The following GPHN variants were observed in gnomAD, a reference collection of about 807,000 sequenced individuals.
The protein encoded by GPHN is gephyrin.
GPHN carries 17 observed loss-of-function variants against 95.5 expected under a neutral mutation model. The observed-to-expected ratio is 0.18, with a 90% CI of 0.12 to 0.27. GPHN has a LOEUF of 0.27. GPHN is among the 10% of genes least tolerant of loss of function. The pLI, the probability that GPHN is intolerant of heterozygous loss-of-function variation, is 1.00. For missense variants in GPHN, 660 were observed against 978.1 expected (o/e 0.67, Z 4.34); for synonymous variants, 320 against 322.5 (o/e 0.99, Z 0.08).
chr14:67,418,985 C>A, the GPHN span, among the ~76,000 whole-genome samples: 1 of 152,204 alleles, frequency 6.6e-6, no homozygotes, highest in Non-Finnish European at 1.5e-5. Flanking sequence ...CACCTTGCCA[C>A]CCCCTAGAAC....
intron 4 of GPHN, among the ~76,000 whole-genome samples, chr14:66,852,266 G>T (rs938138094): frequency 6.6e-6 from 1 of 152,128 alleles, no homozygotes; most frequent in African/African-American, 2.4e-5. Context: ...CTGGCCACTT[G>T]TTTGTTTTCA....
intron 2 of GPHN, among the ~76,000 whole-genome samples, chr14:66,750,508 T>C (rs2058327103): frequency 1.3e-5 from 2 of 151,914 alleles, no homozygotes; most frequent in Admixed American, 6.6e-5. Context: ...GGAAAATACA[T>C]AAATACATTA....
chr14:66,936,588 T>C (rs1234434738), intron 8 of GPHN, among the ~76,000 whole-genome samples: 1 of 152,216 alleles, frequency 6.6e-6, no homozygotes, highest in African/African-American at 2.4e-5. Flanking sequence ...TGAAATACTT[T>C]GGAGAATACA....
At chr14:66,673,293 C>T (rs1174416248) in intron 1 of GPHN, among the ~76,000 whole-genome samples, 4 of 151,966 alleles carry the variant, frequency 2.6e-5, no homozygotes, top group East Asian at 3.9e-4. Context: ...GGGGTTTCAC[C>T]GTGTTAACCA....
At chr14:67,727,493 T>G in the GPHN span, 538 of 356,904 alleles carry the variant, frequency 1.5e-3, 2 homozygotes, top group Non-Finnish European at 2.3e-3. Flanking sequence ...TTGTTTTTTT[T>G]TTTTTGAGAC....
At chr14:66,900,850 G>A (rs2065093072) in intron 5 of GPHN, among the ~76,000 whole-genome samples, 1 of 151,982 alleles carries the variant, frequency 6.6e-6, no homozygotes, top group Non-Finnish European at 1.5e-5. Context: ...CAGTAAATGT[G>A]AGAGTGCAGA....
rs1468700254 is a variant in GPHN at position 67,066,662 on chromosome 14, C to T, written c.1144+7876C>T. 2.0e-5 allele frequency among the ~76,000 whole-genome samples: 3 copies of T among 152,108 alleles called. No homozygotes were observed. In the South Asian group the frequency reaches 6.2e-4, roughly 32 times the overall value. On this transcript the variant is annotated intron_variant, in intron 11 of 22. Coordinates refer to ENST00000478722, the MANE Select transcript of GPHN (RefSeq NM_020806.5). ...TTTTTTTTCTAAACTTGCCTTCTCA[C>T]TTTATTTCATTAATTTGATCTTCAA...
Position 66,976,049 on chromosome 14 carries a change from A to G in GPHN, c.963+10724A>G, listed in dbSNP as rs181436215. Among the ~76,000 whole-genome samples the G allele has an allele frequency of 4.3e-4, 66 of 152,308 alleles. No individual in the cohort carries two copies. In the East Asian group the frequency reaches 9.5e-3, roughly 22 times the overall value. On this transcript the variant is annotated intron_variant, in intron 9 of 22. Coordinates refer to ENST00000478722, the MANE Select transcript of GPHN (RefSeq NM_020806.5). ...TAAGCCCTTCTCTCTCTGATATTTT[A>G]TTAATCTCCAATTAATACAGAATAA... is the stretch of plus-strand genomic sequence containing the variant.
chr14:67,162,369 A>T (rs1379006244), intron 19 of GPHN, among the ~76,000 whole-genome samples: 1 of 152,222 alleles, frequency 6.6e-6, no homozygotes, highest in Non-Finnish European at 1.5e-5. Context: ...CCAGAATTTT[A>T]TGCTTGTCTA....
At chr14:67,282,235 A>G in the GPHN span, among the ~76,000 whole-genome samples, 6 of 152,104 alleles carry the variant, frequency 3.9e-5, no homozygotes, top group Non-Finnish European at 5.9e-5. Flanking sequence ...CTAACACATC[A>G]AACTGTAAGA....
chr14:66,788,147 A>G (rs1434207860), intron 3 of GPHN, among the ~76,000 whole-genome samples: 1 of 151,562 alleles, frequency 6.6e-6, no homozygotes, highest in Non-Finnish European at 1.5e-5. Flanking sequence ...TTTCTCTACT[A>G]AAAATACAAA....
chr14:67,589,650 GT>G, the GPHN span: 1 of 989,448 alleles, frequency 1.0e-6, no homozygotes, highest in South Asian at 4.6e-5. Flanking sequence ...CTGCTAACCA[GT>G]ACTGAAGGGC....
At chr14:66,853,334 TA>T (rs1376093247) in intron 4 of GPHN, among the ~76,000 whole-genome samples, 3 of 151,954 alleles carry the variant, frequency 2.0e-5, no homozygotes, top group Non-Finnish European at 2.9e-5. Flanking sequence ...ATTTATTACT[TA>T]AAAAAAATAA....
intron 6 of GPHN, 26 bp from the exon 7 acceptor site, chr14:66,922,639 AT>A (rs765769429): frequency 8.1e-5 from 126 of 1,561,714 alleles, no homozygotes; most frequent in Middle Eastern, 1.7e-4. Context: ...CTTCATCTTA[AT>A]TTTTTTTTCT....
At position 66,508,570 on chromosome 14, in the gene GPHN, A is replaced by T. The variant is rs377675338; in HGVS notation, c.43A>T (p.Ile15Phe). ...GATCCTTACTAACCACGACCATCAA[A>T]TCCGTGTCGGAGTCCTTACAGGTAA... Reference protein sequence around the residue: ...GMILTNHDHQIRVGVLTVSDS... With the variant: ...GMILTNHDHQFRVGVLTVSDS... Residue 15 changes from isoleucine (I) to phenylalanine (F), a missense_variant, in exon 1 of 23, where the codon ATC becomes TTC. Ile to Phe is a conservative substitution (Grantham distance 21). Transcript: ENST00000478722. 1.9e-6 allele frequency: 3 copies of T among 1,613,694 alleles called. No individual in the cohort carries two copies. The highest frequency in any genetic ancestry group is 8.5e-7 in the Non-Finnish European group (1 of 1,179,782).
the GPHN span, among the ~76,000 whole-genome samples, chr14:67,712,493 C>CAAAAAAAAAAAAAA: frequency 7.7e-5 from 3 of 38,928 alleles, no homozygotes; most frequent in Non-Finnish European, 1.5e-4. Flanking sequence ...AAAAAACTTG[C>CAAAAAAAAAAAAAA]AAAAAAAAAA....
the GPHN span, among the ~76,000 whole-genome samples, chr14:67,489,076 TC>T: frequency 6.6e-6 from 1 of 152,176 alleles, no homozygotes; most frequent in Non-Finnish European, 1.5e-5. Context: ...AACCAGAGTT[TC>T]TTGGAACATA....
chr14:67,055,968 G>T (rs1025666422), intron 10 of GPHN, among the ~76,000 whole-genome samples: 1 of 152,186 alleles, frequency 6.6e-6, no homozygotes, highest in Non-Finnish European at 1.5e-5. Context: ...TGGTCTTGCT[G>T]GCTTCAGGAG....
At chr14:67,508,135 C>CCAA in the GPHN span, among the ~76,000 whole-genome samples, 1 of 130,632 alleles carries the variant, frequency 7.7e-6, no homozygotes, top group Non-Finnish European at 1.6e-5. Flanking sequence ...AACTCCATCT[C>CCAA]AAAAAAAAAA....
Sources: allele counts gnomAD v4.1 joint callset (sites outside exome capture counted in the v4.1 genomes callset), GRCh38; gene constraint gnomAD v4.1.1; transcripts MANE v1.5; gene names NCBI Gene and HGNC (gene_info 2026-07-23, HGNC 2026-07-21).